The following BCAT1 variants were observed in gnomAD, a reference collection of about 807,000 sequenced individuals.
The protein encoded by BCAT1 is branched-chain-amino-acid aminotransferase, cytosolic.
Under a neutral mutation model 52.4 loss-of-function variants are expected in BCAT1, and 48 were observed. The ratio of observed to expected loss-of-function variants is 0.92; its 90% CI spans 0.73 to 1.16. BCAT1 has a LOEUF of 1.16. Ranked by LOEUF, BCAT1 falls within the 50% of genes most tolerant of loss-of-function variation. BCAT1 has a pLI of 0.00. For missense variants in BCAT1, 451 were observed against 457.1 expected (o/e 0.99, Z 0.12); for synonymous variants, 167 against 161.3 (o/e 1.04, Z -0.27).
intron 1 of BCAT1, among the ~76,000 whole-genome samples, chr12:24,906,850 T>G (rs553093621): frequency 2.0e-5 from 3 of 152,206 alleles, no homozygotes; most frequent in Admixed American, 1.3e-4. Context: ...TCTCCAACCA[T>G]GTTATCCGCA....
At chr12:24,941,674 C>T (rs551105399) in intron 1 of BCAT1, among the ~76,000 whole-genome samples, 1 of 152,184 alleles carries the variant, frequency 6.6e-6, no homozygotes, top group Non-Finnish European at 1.5e-5. Flanking sequence ...GGGCAAGGTT[C>T]ATGCTACAAC....
chr12:24,883,025 G>A (rs908077437), intron 3 of BCAT1, among the ~76,000 whole-genome samples: 49 of 151,862 alleles, frequency 3.2e-4, no homozygotes, highest in Admixed American at 6.6e-4. Context: ...GATGGCTCAC[G>A]TCTGTAATCC....
At chr12:24,868,299 T>C (rs1942082983) in intron 5 of BCAT1, among the ~76,000 whole-genome samples, 1 of 152,178 alleles carries the variant, frequency 6.6e-6, no homozygotes, top group African/African-American at 2.4e-5. Flanking sequence ...ACGGTACATA[T>C]GTCCAATGGA....
At chr12:24,927,026 T>A (rs1268829154) in intron 1 of BCAT1, among the ~76,000 whole-genome samples, 1 of 152,178 alleles carries the variant, frequency 6.6e-6, no homozygotes, top group Non-Finnish European at 1.5e-5. Flanking sequence ...AGAATAATTT[T>A]AAAAAACACA....
At position 24,873,476 on chromosome 12, in the gene BCAT1, G is replaced by A. The variant is rs1213990540; in HGVS notation, c.510+5054C>T. On this transcript the variant is annotated intron_variant, in intron 5 of 10. Transcript: ENST00000261192. ...AACATAATATCCAACAAAGTACATGGATTTAAATATTTGTGTACCATACTG... is the reference window on the plus strand; with the variant it reads ...AACATAATATCCAACAAAGTACATGAATTTAAATATTTGTGTACCATACTG... Among the ~76,000 whole-genome samples the A allele has an allele frequency of 2.6e-5, 4 of 152,166 alleles. No homozygotes were observed. The East Asian group carries it at 7.7e-4, about 29-fold the overall frequency.
At chr12:24,922,829 C>CA (rs1250829218) in intron 1 of BCAT1, among the ~76,000 whole-genome samples, 1 of 150,380 alleles carries the variant, frequency 6.6e-6, no homozygotes, top group Non-Finnish European at 1.5e-5. Flanking sequence ...GACATGGGGC[C>CA]ACTGAACTCC....
chr12:24,931,055 A>G (rs547693796), intron 1 of BCAT1, among the ~76,000 whole-genome samples: 1 of 152,030 alleles, frequency 6.6e-6, no homozygotes, highest in South Asian at 2.1e-4. Flanking sequence ...GGAGCCCACC[A>G]CCACGCCTGG....
chr12:24,876,826 T>A (rs1204203322), intron 5 of BCAT1, among the ~76,000 whole-genome samples: 1 of 152,016 alleles, frequency 6.6e-6, no homozygotes, highest in Non-Finnish European at 1.5e-5. Flanking sequence ...AGGAAGAGCA[T>A]CAGGAAGAAT....
chr12:24,934,662 C>G (rs537598124), intron 1 of BCAT1, among the ~76,000 whole-genome samples: 2 of 152,268 alleles, frequency 1.3e-5, no homozygotes, highest in Admixed American at 1.3e-4. Context: ...AAGCAATTTT[C>G]CTGCCTCAGC....
intron 5 of BCAT1, among the ~76,000 whole-genome samples, chr12:24,869,760 G>C (rs560924714): frequency 1.3e-5 from 2 of 152,166 alleles, no homozygotes; most frequent in African/African-American, 4.8e-5. Flanking sequence ...GAGAGGGAAC[G>C]GAGGCAAAGG....
chr12:24,943,856 C>A (rs920266589), intron 1 of BCAT1, among the ~76,000 whole-genome samples: 2 of 151,236 alleles, frequency 1.3e-5, no homozygotes, highest in Non-Finnish European at 3.0e-5. Flanking sequence ...TGGTGGCGGG[C>A]GCCTGTAGTC....
intron 1 of BCAT1, among the ~76,000 whole-genome samples, chr12:24,943,099 C>T (rs1014867780): frequency 6.6e-6 from 1 of 152,212 alleles, no homozygotes; most frequent in Non-Finnish European, 1.5e-5. Flanking sequence ...ATGCTATATG[C>T]ACTCTATTGT....
chr12:24,936,396 C>A (rs933092095), intron 1 of BCAT1, among the ~76,000 whole-genome samples: 1 of 152,166 alleles, frequency 6.6e-6, no homozygotes, highest in African/African-American at 2.4e-5. Flanking sequence ...CCACACCTGG[C>A]TAATTTTTGT....
At chr12:24,943,914 G>A (rs538570741) in intron 1 of BCAT1, among the ~76,000 whole-genome samples, 4 of 152,142 alleles carry the variant, frequency 2.6e-5, no homozygotes, top group East Asian at 3.9e-4. Context: ...AACCCAGGAG[G>A]CGGAGCTTGC....
At chr12:24,886,515 A>C (rs184292469) in intron 3 of BCAT1, among the ~76,000 whole-genome samples, 199 of 152,350 alleles carry the variant, frequency 1.3e-3, no homozygotes, top group African/African-American at 4.6e-3. Context: ...TTACAAACTC[A>C]AGACAATCAC....
chr12:24,853,950 C>A (rs1941589943), intron 5 of BCAT1, among the ~76,000 whole-genome samples: 1 of 151,930 alleles, frequency 6.6e-6, no homozygotes, highest in Admixed American at 6.6e-5. Context: ...CTCAAGAGAC[C>A]ACATTGACTT....
At chr12:24,855,541 C>T (rs780008506) in intron 5 of BCAT1, among the ~76,000 whole-genome samples, 1 of 151,878 alleles carries the variant, frequency 6.6e-6, no homozygotes, top group Non-Finnish European at 1.5e-5. Context: ...CCACCACACC[C>T]GGCTAGTTTT....
At chr12:24,870,473 C>T (rs1942152374) in intron 5 of BCAT1, among the ~76,000 whole-genome samples, 1 of 152,102 alleles carries the variant, frequency 6.6e-6, no homozygotes, top group African/African-American at 2.4e-5. Context: ...CTAACCATTC[C>T]CACTTCTTCA....
At chr12:24,934,584 ACT>A (rs1943725300) in intron 1 of BCAT1, among the ~76,000 whole-genome samples, 1 of 152,096 alleles carries the variant, frequency 6.6e-6, no homozygotes, top group Admixed American at 6.5e-5. Flanking sequence ...ACAGAGTTTA[ACT>A]CTTGTCACCC....
Sources: gnomAD v4.1 joint callset for allele counts (sites outside exome capture counted in the v4.1 genomes callset) on GRCh38, gnomAD v4.1.1 for gene constraint, MANE v1.5 for transcripts, NCBI Gene and HGNC (gene_info 2026-07-23, HGNC 2026-07-21) for gene names.